The following ELF1 variants were observed in gnomAD, a reference collection of about 807,000 sequenced individuals.
ELF1 encodes E74 like ETS transcription factor 1, also known as ETS-related transcription factor Elf-1.
In ELF1, 24 loss-of-function variants were observed where a neutral mutation model predicts 59.9. The observed-to-expected ratio is 0.40, with a 90% CI of 0.29 to 0.56. ELF1 has a LOEUF of 0.56. Among genes scored for constraint, ELF1 ranks in the 20% least tolerant of loss-of-function variants. The pLI is 0.44. For missense variants in ELF1, 627 were observed against 742.2 expected, an observed-to-expected ratio of 0.84 and a Z score of 1.80; for synonymous variants, 248 against 266.2, an observed-to-expected ratio of 0.93 and a Z score of 0.67.
intron 1 of ELF1, among the ~76,000 whole-genome samples, chr13:41,037,653 G>A (rs563793823): frequency 1.3e-5 from 2 of 151,968 alleles, no homozygotes; most frequent in Non-Finnish European, 2.9e-5. Context: ...AAAATTAGCC[G>A]GGCATGGTGG....
Position 40,998,053 on chromosome 13 carries a change from G to A in ELF1, c.-228-15771C>T, listed in dbSNP as rs150965579. 8.2e-4 allele frequency among the ~76,000 whole-genome samples: 125 copies of A among 152,208 alleles called. No individual in the cohort carries two copies. The East Asian group carries it at 0.017, about 21-fold the overall frequency. On this transcript the variant is annotated intron_variant, in intron 1 of 8. Coordinates refer to ENST00000239882, the MANE Select transcript of ELF1 (RefSeq NM_172373.4). ...CTCAGCTTACCCGTGAGGTTGAGGCGGGAGGATCACTTCAGCCCAAAAGGT... is the reference window on the plus strand; with the variant it reads ...CTCAGCTTACCCGTGAGGTTGAGGCAGGAGGATCACTTCAGCCCAAAAGGT...
intron 7 of ELF1, among the ~76,000 whole-genome samples, 200 bp from the exon 8 acceptor site, chr13:40,941,570 A>G (rs1392254815): frequency 6.6e-6 from 1 of 152,244 alleles, no homozygotes; most frequent in Admixed American, 6.5e-5. Context: ...ATTACCAACT[A>G]AATCTAAAAC....
chr13:40,965,103 G>C, intron 2 of ELF1, among the ~76,000 whole-genome samples: 1 of 152,150 alleles, frequency 6.6e-6, no homozygotes, highest in East Asian at 1.9e-4. Context: ...GAAATAACTT[G>C]TATAAACTAG....
intron 7 of ELF1, 116 bp from the exon 8 acceptor site, chr13:40,941,486 AG>A (rs1870169517): frequency 1.0e-6 from 1 of 955,520 alleles, no homozygotes; most frequent in Non-Finnish European, 1.5e-6. Context: ...TAATGAGAAA[AG>A]AATTTCTAAA....
intron 1 of ELF1, among the ~76,000 whole-genome samples, chr13:40,997,991 A>C (rs1315240717): frequency 6.6e-6 from 1 of 152,066 alleles, no homozygotes; most frequent in African/African-American, 2.4e-5. Context: ...TCTCTACAAA[A>C]ATAAAAAAAT....
intron 1 of ELF1, among the ~76,000 whole-genome samples, chr13:41,058,659 T>C (rs973517073): frequency 1.3e-5 from 2 of 152,230 alleles, no homozygotes; most frequent in African/African-American, 4.8e-5. Flanking sequence ...TTTGGTACAA[T>C]GTTGTAAACT....
intron 1 of ELF1, among the ~76,000 whole-genome samples, chr13:40,987,396 C>T (rs1420622390): frequency 4.0e-5 from 6 of 149,748 alleles, no homozygotes; most frequent in Admixed American, 2.0e-4. Context: ...GCCTGACCAA[C>T]ATGGTGAAAC....
At chr13:40,967,239 A>G (rs1203089399) in intron 2 of ELF1, among the ~76,000 whole-genome samples, 13 of 152,208 alleles carry the variant, frequency 8.5e-5, no homozygotes, top group Non-Finnish European at 1.9e-4. Context: ...ACGATCTGAC[A>G]GTACCTTACC....
intron 3 of ELF1, among the ~76,000 whole-genome samples, chr13:40,956,551 G>A (rs941760039): frequency 5.9e-5 from 7 of 119,176 alleles, no homozygotes; most frequent in Admixed American, 1.1e-4. Flanking sequence ...CCCCCTCTGC[G>A]AGAAACACCC....
chr13:41,037,326 A>C (rs947243508), intron 1 of ELF1, among the ~76,000 whole-genome samples: 3 of 152,200 alleles, frequency 2.0e-5, no homozygotes, highest in African/African-American at 7.2e-5. Flanking sequence ...CAGTCAAGTA[A>C]CAGAATAATG....
At position 40,949,696 on chromosome 13, in the gene ELF1, T is replaced by C. The variant is rs2138155486; in HGVS notation, c.529+110A>G. Reference sequence around the variant, plus strand: ...TTTCCATTTTGTGCCTTCAATGTTTTTCTTACATAAGTTTTAACTGCAGCA... The same window carrying C: ...TTTCCATTTTGTGCCTTCAATGTTTCTCTTACATAAGTTTTAACTGCAGCA... On this transcript the variant is annotated intron_variant, in intron 5 of 8. Coordinates refer to ENST00000239882, the MANE Select transcript of ELF1 (RefSeq NM_172373.4). 5.2e-6 allele frequency: 7 copies of C among 1,334,494 alleles called. No individual in the cohort carries two copies. In the South Asian group the frequency reaches 8.2e-5, roughly 16 times the overall value. 82.7% of individuals were successfully genotyped at this position (1,334,494 alleles called of 1,614,324 possible). A position where few individuals can be genotyped will look rare whatever the true frequency, so the allele number is the denominator to read the frequency against.
At chr13:41,042,415 C>G (rs796497767) in intron 1 of ELF1, among the ~76,000 whole-genome samples, 1 of 151,822 alleles carries the variant, frequency 6.6e-6, no homozygotes, top group Non-Finnish European at 1.5e-5. Context: ...TCCATTAACT[C>G]GTCATTTATA....
At chr13:40,979,699 A>G (rs1873144903) in intron 2 of ELF1, among the ~76,000 whole-genome samples, 1 of 152,240 alleles carries the variant, frequency 6.6e-6, no homozygotes, top group Non-Finnish European at 1.5e-5. Flanking sequence ...AAGATTTAGC[A>G]TAACTTCATT....
chr13:40,943,476 G>A, intron 6 of ELF1, among the ~76,000 whole-genome samples: 1 of 152,126 alleles, frequency 6.6e-6, no homozygotes, highest in East Asian at 1.9e-4. Flanking sequence ...TTAGATTAGA[G>A]CCAGCAGGTC....
upstream of ELF1, among the ~76,000 whole-genome samples, chr13:41,020,680 A>C (rs1261316183): frequency 6.6e-6 from 1 of 152,190 alleles, no homozygotes; most frequent in African/African-American, 2.4e-5. Context: ...TCTCCTGTCA[A>C]ATGTCATATT....
intron 5 of ELF1, among the ~76,000 whole-genome samples, chr13:40,946,386 A>T (rs774551285): frequency 6.6e-6 from 1 of 152,250 alleles, no homozygotes; most frequent in Non-Finnish European, 1.5e-5. Flanking sequence ...CCCCTTTGTA[A>T]TCCTTACATC....
Position 40,933,102 on chromosome 13 carries a change from A to T in ELF1, c.*323T>A. On this transcript the variant is annotated 3_prime_UTR_variant, in exon 9 of 9. Coordinates refer to ENST00000239882, the MANE Select transcript of ELF1 (RefSeq NM_172373.4). ...TTCTATTTAAGTTCTGTATTTACAA[A>T]AGAATCAGAAAATCTAATACAATGT... 4.7e-6 allele frequency: 1 copy of T among 212,846 alleles called. No homozygotes were observed. The allele number at this position is 212,846 out of a possible 1,614,324, so 13.2% of individuals were successfully genotyped here.
intron 1 of ELF1, among the ~76,000 whole-genome samples, chr13:41,030,350 TGAAAG>T (rs1165783428): frequency 6.6e-6 from 1 of 152,100 alleles, no homozygotes; most frequent in Admixed American, 6.6e-5. Flanking sequence ...CTGTTGGTTT[TGAAAG>T]GAAAGTTTTC....
chr13:40,982,328 C>T, intron 1 of ELF1, 46 bp from the exon 2 acceptor site: 1 of 1,176,126 alleles, frequency 8.5e-7, no homozygotes, highest in South Asian at 3.2e-5. Context: ...CAATCACCCA[C>T]TTAGGATATA....
Sources: allele counts gnomAD v4.1 joint callset (sites outside exome capture counted in the v4.1 genomes callset), GRCh38; gene constraint gnomAD v4.1.1; transcripts MANE v1.5; gene names NCBI Gene and HGNC (gene_info 2026-07-23, HGNC 2026-07-21).